The following ZEB1 variants were observed in gnomAD, a reference collection of about 807,000 sequenced individuals.
ZEB1 encodes the protein zinc finger E-box binding homeobox 1.
In ZEB1, 21 loss-of-function variants were observed where a neutral mutation model predicts 84.9. The observed-to-expected ratio is 0.25, with a 90% CI of 0.18 to 0.36. ZEB1 has a LOEUF of 0.36. ZEB1 is among the 10% of genes least tolerant of loss of function. The pLI is 1.00. For synonymous variants in ZEB1, 420 were observed against 471.1 expected, an observed-to-expected ratio of 0.89 and a Z score of 1.41; for missense variants, 1,104 against 1,330.2, an observed-to-expected ratio of 0.83 and a Z score of 2.65.
At chr10:31,447,905 C>T (rs1345247470) in intron 1 of ZEB1, among the ~76,000 whole-genome samples, 10 of 152,140 alleles carry the variant, frequency 6.6e-5, no homozygotes, top group Non-Finnish European at 1.3e-4. Context: ...AGTTGCTCTT[C>T]TTGAGGAGTA....
chr10:31,520,310 A>G lies in ZEB1; in HGVS notation c.978A>G (p.Arg326=). 1 of 1,613,988 alleles carries G rather than the reference A, an allele frequency of 6.2e-7. No homozygotes were observed. The highest frequency in any genetic ancestry group is 1.1e-5 in the South Asian group (1 of 91,084). The change falls in exon 7 of 9, where the codon CGA becomes CGG. Residue 326 remains arginine (R), a synonymous_variant. Coordinates refer to ENST00000424869, the MANE Select transcript of ZEB1 (RefSeq NM_001174096.2). The surrounding 1 kb of genome is among the most constrained non-coding windows in gnomAD (Gnocchi z 5.1). ...CAGCATCACCAGGCAGTCCCACACGACCACAGATACGGCAAAAGATAGAGA... is the reference window on the plus strand; with the variant it reads ...CAGCATCACCAGGCAGTCCCACACGGCCACAGATACGGCAAAAGATAGAGA... ...SLSASPGSPT[R]PQIRQKIENK... is the part of the protein sequence containing the mutation.
At chr10:31,381,587 A>G (rs2047641853) in intron 1 of ZEB1, 1 of 152,206 alleles carries the variant, frequency 6.6e-6, no homozygotes, top group Non-Finnish European at 1.5e-5. Flanking sequence ...TGATTCTGTA[A>G]TGAGAAGTCT....
chr10:31,354,594 G>C (rs2041836039), intron 1 of ZEB1, among the ~76,000 whole-genome samples: 1 of 152,002 alleles, frequency 6.6e-6, no homozygotes, highest in African/African-American at 2.4e-5. Flanking sequence ...GCCATGTCCA[G>C]GAATTACTTT....
chr10:31,376,052 GCTA>G (rs760680384), intron 1 of ZEB1, among the ~76,000 whole-genome samples: 5 of 151,608 alleles, frequency 3.3e-5, no homozygotes, highest in Non-Finnish European at 5.9e-5. Flanking sequence ...AAAATACTGA[GCTA>G]CTATTTATAG....
intron 1 of ZEB1, among the ~76,000 whole-genome samples, chr10:31,447,189 G>A (rs2059904685): frequency 6.6e-6 from 1 of 152,010 alleles, no homozygotes; most frequent in Non-Finnish European, 1.5e-5. Flanking sequence ...TGTCTCTTTT[G>A]ATCTTTATTG....
intron 1 of ZEB1, among the ~76,000 whole-genome samples, chr10:31,357,595 CAGGAAAATATACAAAA>C (rs576042345): frequency 4.6e-5 from 7 of 152,108 alleles, no homozygotes; most frequent in African/African-American, 1.7e-4. Flanking sequence ...TGTAGGAAAT[CAGGAAAATATACAAAA>C]AGTAGCATAT....
chr10:31,461,880 C>T (rs939613753), intron 2 of ZEB1, among the ~76,000 whole-genome samples: 1 of 152,098 alleles, frequency 6.6e-6, no homozygotes, highest in Admixed American at 6.5e-5. Context: ...CTTCTTTCTA[C>T]TTTTCCTAAT....
intron 1 of ZEB1, among the ~76,000 whole-genome samples, chr10:31,378,860 G>A (rs536355591): frequency 6.6e-6 from 1 of 152,046 alleles, no homozygotes; most frequent in Non-Finnish European, 1.5e-5. Context: ...ATGTGCAGGT[G>A]GTAGATACAC....
intron 1 of ZEB1, among the ~76,000 whole-genome samples, chr10:31,429,733 C>CT (rs35031058): frequency 0.054 from 4,308 of 79,406 alleles, 1,115 homozygotes; most frequent in African/African-American, 0.11. Context: ...ACAGGCAGAA[C>CT]TTTTTTTTTT....
chr10:31,382,148 G>A lies in ZEB1; in HGVS notation c.58+62856G>A, dbSNP rs916555068. On this transcript the variant is annotated intron_variant, in intron 1 of 8. Coordinates refer to ENST00000424869, the MANE Select transcript of ZEB1 (RefSeq NM_001174096.2). ...GGCTGACTCAGACCTTAGTTTCTCT[G>A]CCTCTGCTTGCATGCCACCTTGGTT... 4.0e-5 allele frequency among the ~76,000 whole-genome samples: 6 copies of A among 151,156 alleles called. No homozygotes were observed. The East Asian group carries it at 1.2e-3, about 30-fold the overall frequency.
At chr10:31,329,682 AGAGT>A (rs1244815476) in intron 1 of ZEB1, among the ~76,000 whole-genome samples, 12 of 152,120 alleles carry the variant, frequency 7.9e-5, no homozygotes, top group Admixed American at 2.0e-4. Flanking sequence ...GCCATGTATG[AGAGT>A]TCTGGTTGTT....
At chr10:31,430,758 TA>T (rs1263282363) in intron 1 of ZEB1, among the ~76,000 whole-genome samples, 1 of 152,226 alleles carries the variant, frequency 6.6e-6, no homozygotes, top group Non-Finnish European at 1.5e-5. Flanking sequence ...ATTTAGATTA[TA>T]AGCCTTTTTA....
chr10:31,460,037 C>A (rs1213941586), intron 1 of ZEB1, among the ~76,000 whole-genome samples: 3 of 151,936 alleles, frequency 2.0e-5, no homozygotes, highest in Admixed American at 1.3e-4. Flanking sequence ...TCTTCCGAAT[C>A]TTTTCTTAGC....
At chr10:31,382,153 T>C (rs1590636262) in intron 1 of ZEB1, among the ~76,000 whole-genome samples, 1 of 152,130 alleles carries the variant, frequency 6.6e-6, no homozygotes, top group Middle Eastern at 3.4e-3. Context: ...TCTCTGCCTC[T>C]GCTTGCATGC....
chr10:31,321,032 G>T, intron 1 of ZEB1: 1 of 572,692 alleles, frequency 1.7e-6, no homozygotes, highest in Non-Finnish European at 2.2e-6. Context: ...CAATAAATGC[G>T]TCTATAATGG....
intron 2 of ZEB1, among the ~76,000 whole-genome samples, chr10:31,468,526 A>G (rs888309444): frequency 2.0e-5 from 3 of 152,204 alleles, no homozygotes; most frequent in Non-Finnish European, 4.4e-5. Flanking sequence ...GCTCTAAGGA[A>G]TGAGGTAAGT....
chr10:31,416,884 C>A (rs539665991), intron 1 of ZEB1, among the ~76,000 whole-genome samples: 2 of 152,206 alleles, frequency 1.3e-5, no homozygotes, highest in African/African-American at 4.8e-5. Flanking sequence ...AGCTTCAGTG[C>A]AAAAACTTGG....
At chr10:31,412,649 C>A (rs2054518685) in intron 1 of ZEB1, among the ~76,000 whole-genome samples, 1 of 152,122 alleles carries the variant, frequency 6.6e-6, no homozygotes, top group South Asian at 2.1e-4. Context: ...TTTCTTAATC[C>A]AGCCTATCAT....
At chr10:31,348,257 C>G (rs956957631) in intron 1 of ZEB1, among the ~76,000 whole-genome samples, 2 of 152,112 alleles carry the variant, frequency 1.3e-5, no homozygotes, top group Non-Finnish European at 2.9e-5. Flanking sequence ...ATTTGCTCTT[C>G]TGGTTTTTTT....
Sources: allele counts gnomAD v4.1 joint callset (sites outside exome capture counted in the v4.1 genomes callset), GRCh38; gene constraint gnomAD v4.1.1; non-coding constraint Gnocchi (gnomAD v3.1); transcripts MANE v1.5; gene names NCBI Gene and HGNC (gene_info 2026-07-23, HGNC 2026-07-21).